THEMIS: variants seen among roughly 807,000 people sequenced by gnomAD.
THEMIS encodes the protein protein THEMIS.
A neutral mutation model predicts 52.6 loss-of-function variants in THEMIS; 37 were observed. The ratio of observed to expected loss-of-function variants is 0.70; its 90% CI spans 0.54 to 0.93. The LOEUF (loss-of-function observed/expected upper bound fraction) is 0.93. Among genes scored for constraint, THEMIS ranks in the 40% least tolerant of loss-of-function variants. The probability of loss-of-function intolerance (pLI) is 0.00; values close to 1 mark genes in which losing one functional copy is unlikely to be tolerated. For synonymous variants in THEMIS, 292 were observed against 272.7 expected (o/e 1.07, Z -0.70); for missense variants, 808 against 763.1 (o/e 1.06, Z -0.69).
At chr6:127,854,747 T>C (rs1455980015) in intron 2 of THEMIS, among the ~76,000 whole-genome samples, 1 of 151,844 alleles carries the variant, frequency 6.6e-6, no homozygotes, top group Non-Finnish European at 1.5e-5. Context: ...TTCTCATTAT[T>C]TAGCACAACT....
Position 127,813,919 on chromosome 6 carries a change from A to G in THEMIS, c.722T>C (p.Ile241Thr). The G allele has an allele frequency of 1.9e-6, 3 of 1,547,488 alleles. No homozygotes were observed. Among genetic ancestry groups the G allele is most frequent in the Middle Eastern group, 1.7e-4 (1 of 5,730 alleles). The change falls in exon 4 of 6, where the codon ATA becomes ACA. Residue 241 changes from isoleucine (I) to threonine (T), a missense_variant. By Grantham distance (89) the Ile-to-Thr change is moderately conservative. Transcript: ENST00000368248. Reference sequence around the variant, plus strand: ...ATCTAGACTGGGGAGGATGCGGATTATATCTTTTCGAACTAAAAAGAAAAA... The same window carrying G: ...ATCTAGACTGGGGAGGATGCGGATTGTATCTTTTCGAACTAAAAAGAAAAA... Reference protein sequence around the residue: ...IQGVMKFRKDIIRILPSLDVE... With the variant: ...IQGVMKFRKDTIRILPSLDVE...
At chr6:127,896,104 T>G (rs1193578285) in intron 1 of THEMIS, among the ~76,000 whole-genome samples, 2 of 151,392 alleles carry the variant, frequency 1.3e-5, no homozygotes, top group African/African-American at 2.4e-5. Context: ...TTGATAAATG[T>G]CAAATATATA....
At chr6:127,784,475 G>A (rs1472038084) in intron 4 of THEMIS, among the ~76,000 whole-genome samples, 1 of 152,094 alleles carries the variant, frequency 6.6e-6, no homozygotes, top group African/African-American at 2.4e-5. Context: ...ACTGAATGAA[G>A]TACATACCTA....
At chr6:127,789,310 C>A (rs142552747) in intron 4 of THEMIS, among the ~76,000 whole-genome samples, 3,426 of 152,134 alleles carry the variant, frequency 0.023, 142 homozygotes, top group African/African-American at 0.079. Flanking sequence ...ATACACCCTC[C>A]CAAGACTAAA....
rs1319539001 is a variant in THEMIS at position 127,855,208 on chromosome 6, AAAAC to A, written c.92-24_92-21del. ...TAGAGCCTAAAAGGAAAGAAAAGTT[AAAAC>A]AGCTTTTTAAAAAGAAAACAGTGAA... On this transcript the variant is annotated intron_variant, in intron 1 of 5. Coordinates refer to ENST00000368248, the MANE Select transcript of THEMIS (RefSeq NM_001010923.3). The A allele has an allele frequency of 1.9e-6, 3 of 1,562,850 alleles. No homozygotes were observed. Among genetic ancestry groups the A allele is most frequent in the Non-Finnish European group, 2.6e-6 (3 of 1,159,428 alleles).
intron 1 of THEMIS, among the ~76,000 whole-genome samples, chr6:127,884,463 C>T (rs9388600): frequency 0.039 from 5,970 of 152,108 alleles, 660 homozygotes; most frequent in East Asian, 0.37. Context: ...CTTTTAGTTA[C>T]TCTTTCAATT....
chr6:127,723,922 G>GCCCT, intron 4 of THEMIS, among the ~76,000 whole-genome samples: 1 of 152,136 alleles, frequency 6.6e-6, no homozygotes, highest in East Asian at 1.9e-4. Context: ...AACTATGCAT[G>GCCCT]CCCTGTTCAC....
rs561282548 is a variant in THEMIS at position 127,842,110 on chromosome 6, G to A, written c.251-12176C>T. 1.5e-4 allele frequency among the ~76,000 whole-genome samples: 23 copies of A among 152,016 alleles called. 1 individual carries two copies. The East Asian group carries it at 3.9e-3, about 26-fold the overall frequency. On this transcript the variant is annotated intron_variant, in intron 2 of 5. Transcript: ENST00000368248. The stretch of plus-strand genomic sequence containing the variant: ...TCCCTAAAAAACAGAAGATGGAAAG[G>A]TTATTTAAAGCTAGCAAATGTATAT...
chr6:127,754,841 G>A (rs1289709332), intron 4 of THEMIS, among the ~76,000 whole-genome samples: 4 of 151,594 alleles, frequency 2.6e-5, no homozygotes, highest in Non-Finnish European at 2.9e-5. Flanking sequence ...TGGTGGCAAC[G>A]GTTCAATGAA....
intron 2 of THEMIS, among the ~76,000 whole-genome samples, chr6:127,847,039 A>T (rs942706843): frequency 1.3e-5 from 2 of 152,038 alleles, no homozygotes; most frequent in Admixed American, 1.3e-4. Flanking sequence ...AAATCACATA[A>T]TTGTCTCAAT....
At chr6:127,879,152 G>T (rs1468023477) in intron 1 of THEMIS, among the ~76,000 whole-genome samples, 1 of 152,150 alleles carries the variant, frequency 6.6e-6, no homozygotes, top group Non-Finnish European at 1.5e-5. Flanking sequence ...TGTTCTCTGA[G>T]GTATATTACA....
At chr6:127,757,368 T>C (rs945127954) in intron 4 of THEMIS, among the ~76,000 whole-genome samples, 1 of 152,208 alleles carries the variant, frequency 6.6e-6, no homozygotes, top group African/African-American at 2.4e-5. Context: ...GTACTTTATA[T>C]GTAAAAAGAA....
At chr6:127,711,641 C>A (rs542412777) in intron 5 of THEMIS, among the ~76,000 whole-genome samples, 1 of 152,020 alleles carries the variant, frequency 6.6e-6, no homozygotes, top group East Asian at 1.9e-4. Flanking sequence ...GTAATAAAAC[C>A]ATATACTGTA....
chr6:127,735,108 G>A (rs578252431), intron 4 of THEMIS, among the ~76,000 whole-genome samples: 57 of 151,438 alleles, frequency 3.8e-4, no homozygotes, highest in Non-Finnish European at 6.6e-4. Flanking sequence ...CTCAGCAGAC[G>A]AAAATTTTAG....
intron 4 of THEMIS, among the ~76,000 whole-genome samples, chr6:127,748,780 C>G (rs1212058181): frequency 1.3e-5 from 2 of 152,040 alleles, no homozygotes; most frequent in East Asian, 1.9e-4. Context: ...CACAATCTCT[C>G]AGAAACTCAA....
rs1773888446 is a variant in THEMIS at position 127,709,128 on chromosome 6, A to G, written c.*857T>C. Reference sequence around the variant, plus strand: ...AACTATAAGAGCATCATTCTGATGTATACTAATTAAGAATCACTTTGGTTT... The same window carrying G: ...AACTATAAGAGCATCATTCTGATGTGTACTAATTAAGAATCACTTTGGTTT... On this transcript the variant is annotated 3_prime_UTR_variant, in exon 6 of 6. Transcript: ENST00000368248. 1 of 152,060 alleles carries G rather than the reference A, an allele frequency of 6.6e-6. No individual in the cohort carries two copies. The highest frequency in any genetic ancestry group is 1.5e-5 in the Non-Finnish European group (1 of 67,970). The allele number at this position is 152,060 out of a possible 1,614,324, so 9.4% of individuals were successfully genotyped here.
chr6:127,827,221 A>T (rs1778538250), intron 3 of THEMIS, among the ~76,000 whole-genome samples: 1 of 152,176 alleles, frequency 6.6e-6, no homozygotes, highest in Non-Finnish European at 1.5e-5. Flanking sequence ...GATTCAAAAC[A>T]TGGTCTACAT....
chr6:127,699,668 A>G, the THEMIS span, among the ~76,000 whole-genome samples: 1 of 151,890 alleles, frequency 6.6e-6, no homozygotes, highest in African/African-American at 2.4e-5. Flanking sequence ...TGCAAAAGCC[A>G]TTCAATAGAA....
intron 1 of THEMIS, among the ~76,000 whole-genome samples, chr6:127,898,378 A>C (rs1438006355): frequency 1.3e-5 from 2 of 151,854 alleles, no homozygotes; most frequent in East Asian, 3.9e-4. Context: ...AATAAATCCA[A>C]TAAAAATCCC....
Sources: gnomAD v4.1 joint callset for allele counts (sites outside exome capture counted in the v4.1 genomes callset) on GRCh38, gnomAD v4.1.1 for gene constraint, MANE v1.5 for transcripts, NCBI Gene and HGNC (gene_info 2026-07-23, HGNC 2026-07-21) for gene names.